RBFOX1: variants seen among roughly 807,000 people sequenced by gnomAD.
The protein encoded by RBFOX1 is RNA binding fox-1 homolog 1.
A neutral mutation model predicts 57.7 loss-of-function variants in RBFOX1; 8 were observed. The observed-to-expected ratio is 0.14, with a 90% CI of 0.08 to 0.25. The LOEUF (loss-of-function observed/expected upper bound fraction) is 0.25, where lower values mean the gene tolerates loss of function less well. RBFOX1 is among the 10% of genes least tolerant of loss of function. The pLI, the probability that RBFOX1 is intolerant of heterozygous loss-of-function variation, is 1.00. For missense variants in RBFOX1, 611 were observed against 548.5 expected, an observed-to-expected ratio of 1.11 and a Z score of -1.14; for synonymous variants, 326 against 222.4, an observed-to-expected ratio of 1.47 and a Z score of -4.15.
At chr16:5,740,879 T>A (rs1372463697) in intron 3 of RBFOX1, among the ~76,000 whole-genome samples, 1 of 152,116 alleles carries the variant, frequency 6.6e-6, no homozygotes, top group African/African-American at 2.4e-5. Flanking sequence ...CAGATGACCA[T>A]GGTGGCAGGG....
chr16:6,354,815 A>G (rs1354928554), intron 2 of RBFOX1, among the ~76,000 whole-genome samples: 5 of 152,196 alleles, frequency 3.3e-5, no homozygotes, highest in African/African-American at 1.2e-4. Flanking sequence ...TACTAATAGA[A>G]GATGCTCATT....
rs1567455829 is a variant in RBFOX1 at position 7,488,441 on chromosome 16, CGT to C, written c.28-29705_28-29704del. On this transcript the variant is annotated intron_variant, in intron 4 of 15. Coordinates refer to ENST00000550418, the MANE Select transcript of RBFOX1 (RefSeq NM_018723.4). ...GCCTGTCTATCTGCTATCATTCTTT[CGT>C]TGTTTGTCTATCATTCTATCACTCT... 1.5e-3 allele frequency among the ~76,000 whole-genome samples: 30 copies of C among 19,420 alleles called. No homozygotes were observed. The East Asian group carries it at 0.12, about 75-fold the overall frequency. 12.7% of individuals were successfully genotyped at this position (19,420 alleles called of 152,430 possible). A position where few individuals can be genotyped will look rare whatever the true frequency, so the allele number is the denominator to read the frequency against.
chr16:5,857,801 C>G (rs1221525474), intron 3 of RBFOX1, among the ~76,000 whole-genome samples: 2 of 151,932 alleles, frequency 1.3e-5, no homozygotes, highest in East Asian at 1.9e-4. Context: ...CAAAACTTAG[C>G]CAGGCATGGT....
intron 9 of RBFOX1, among the ~76,000 whole-genome samples, chr16:7,605,669 C>A (rs1274093040): frequency 6.6e-6 from 1 of 152,196 alleles, no homozygotes; most frequent in Non-Finnish European, 1.5e-5. Flanking sequence ...ACACCTCTCT[C>A]TTCTCGGCAA....
intron 3 of RBFOX1, among the ~76,000 whole-genome samples, chr16:6,972,723 G>T (rs766538935): frequency 6.6e-6 from 1 of 152,142 alleles, no homozygotes; most frequent in Non-Finnish European, 1.5e-5. Flanking sequence ...GGTCTCATGC[G>T]AAAGTATAAG....
At chr16:5,442,500 C>G (rs1324636786) in intron 1 of RBFOX1, among the ~76,000 whole-genome samples, 1 of 152,146 alleles carries the variant, frequency 6.6e-6, no homozygotes, top group Non-Finnish European at 1.5e-5. Flanking sequence ...AAGTTGTGTA[C>G]ATGAGGCTGG....
intron 2 of RBFOX1, among the ~76,000 whole-genome samples, chr16:6,346,157 G>A (rs1055451805): frequency 6.6e-6 from 1 of 152,128 alleles, no homozygotes; most frequent in Non-Finnish European, 1.5e-5. Context: ...TTAGTAATTT[G>A]GGGGGCCCAA....
chr16:7,634,779 T>C (rs981432274), intron 11 of RBFOX1, among the ~76,000 whole-genome samples: 20 of 152,186 alleles, frequency 1.3e-4, no homozygotes, highest in Non-Finnish European at 2.8e-4. Context: ...TCACAGGTCA[T>C]CATGCATCCT....
At chr16:5,253,948 A>G (rs1395211412) in intron 1 of RBFOX1, among the ~76,000 whole-genome samples, 2 of 151,702 alleles carry the variant, frequency 1.3e-5, no homozygotes, top group African/African-American at 2.4e-5. Flanking sequence ...GCAACCCCCT[A>G]TTATCTGCTT....
chr16:6,444,767 A>G (rs1233636710), intron 2 of RBFOX1, among the ~76,000 whole-genome samples: 1 of 152,178 alleles, frequency 6.6e-6, no homozygotes, highest in East Asian at 1.9e-4. Flanking sequence ...AGAAAGGTAT[A>G]GGGAGGCAGG....
intron 3 of RBFOX1, among the ~76,000 whole-genome samples, chr16:6,996,515 T>C (rs1476900049): frequency 1.3e-5 from 2 of 152,204 alleles, no homozygotes; most frequent in Non-Finnish European, 2.9e-5. Context: ...TGAAAATAAG[T>C]AGGGCTTGCA....
chr16:6,138,076 C>T (rs1319625194), intron 1 of RBFOX1, among the ~76,000 whole-genome samples: 5 of 152,160 alleles, frequency 3.3e-5, no homozygotes, highest in Non-Finnish European at 5.9e-5. Flanking sequence ...TTTGTTTAAC[C>T]CTAAGCTGTA....
intron 4 of RBFOX1, among the ~76,000 whole-genome samples, chr16:7,284,492 G>T (rs1342290937): frequency 6.6e-6 from 1 of 151,990 alleles, no homozygotes; most frequent in Non-Finnish European, 1.5e-5. Context: ...CACCACGCCT[G>T]GTTAATTTTT....
intron 3 of RBFOX1, among the ~76,000 whole-genome samples, chr16:6,837,795 G>A (rs1196539890): frequency 6.6e-6 from 1 of 152,084 alleles, no homozygotes; most frequent in African/African-American, 2.4e-5. Flanking sequence ...GTTATCATTG[G>A]TAGAAGTGGT....
chr16:5,255,272 A>G (rs1423247575), intron 1 of RBFOX1, among the ~76,000 whole-genome samples: 1 of 151,736 alleles, frequency 6.6e-6, no homozygotes, highest in Non-Finnish European at 1.5e-5. Flanking sequence ...GACCCCGGAT[A>G]AATGCTCAAG....
chr16:6,515,520 T>A (rs2096358581), intron 2 of RBFOX1, among the ~76,000 whole-genome samples: 1 of 152,220 alleles, frequency 6.6e-6, no homozygotes, highest in African/African-American at 2.4e-5. Flanking sequence ...GTTACATTGT[T>A]CCCATGTCTT....
intron 3 of RBFOX1, among the ~76,000 whole-genome samples, chr16:5,856,189 A>ATATATG (rs1323376529): frequency 2.4e-5 from 1 of 41,010 alleles, no homozygotes; most frequent in Non-Finnish European, 4.9e-5. Flanking sequence ...CTCTCTCTCT[A>ATATATG]TATATATATA....
intron 4 of RBFOX1, among the ~76,000 whole-genome samples, chr16:7,085,378 C>A (rs117257172): frequency 1.2e-4 from 19 of 152,030 alleles, no homozygotes; most frequent in Non-Finnish European, 2.4e-4. Context: ...TATATATGTG[C>A]AAGTTATTTG....
chr16:5,724,039 G>A (rs796831718), intron 3 of RBFOX1, among the ~76,000 whole-genome samples: 172 of 152,220 alleles, frequency 1.1e-3, no homozygotes, highest in Non-Finnish European at 2.9e-4. Context: ...TTGTGTGTCC[G>A]TGTGTGTGCA....
Sources: allele counts gnomAD v4.1 joint callset (sites outside exome capture counted in the v4.1 genomes callset), GRCh38; gene constraint gnomAD v4.1.1; transcripts MANE v1.5; gene names NCBI Gene and HGNC (gene_info 2026-07-23, HGNC 2026-07-21).